SNX29: variants seen among roughly 807,000 people sequenced by gnomAD.
SNX29 encodes the protein sorting nexin-29.
A neutral mutation model predicts 102.1 loss-of-function variants in SNX29; 78 were observed. That is an observed-to-expected ratio of 0.76 (90% confidence interval 0.64 to 0.92). The LOEUF is 0.92. Among genes scored for constraint, SNX29 ranks in the 40% least tolerant of loss-of-function variants. The probability of loss-of-function intolerance (pLI) is 0.00; values close to 1 mark genes in which losing one functional copy is unlikely to be tolerated. For missense variants in SNX29, 1,280 were observed against 1,061.7 expected, an observed-to-expected ratio of 1.21 and a Z score of -2.86; for synonymous variants, 580 against 414.5, an observed-to-expected ratio of 1.40 and a Z score of -4.85.
intron 14 of SNX29, among the ~76,000 whole-genome samples, chr16:12,270,842 G>T (rs1016590720): frequency 2.1e-4 from 32 of 151,982 alleles, no homozygotes; most frequent in African/African-American, 7.3e-4. Flanking sequence ...AGGCATTCGA[G>T]ACCCACCTGG....
chr16:12,491,067 G>A (rs891061888), intron 19 of SNX29, among the ~76,000 whole-genome samples: 14 of 152,340 alleles, frequency 9.2e-5, no homozygotes, highest in African/African-American at 3.4e-4. Context: ...CACATTTCTT[G>A]AGATGTATTC....
intron 17 of SNX29, among the ~76,000 whole-genome samples, chr16:12,402,557 G>A (rs1002068177): frequency 5.9e-5 from 9 of 152,286 alleles, no homozygotes; most frequent in East Asian, 1.9e-4. Context: ...CAGCTTATTC[G>A]CTCTGTGTAA....
intron 2 of SNX29, among the ~76,000 whole-genome samples, chr16:12,001,945 A>G (rs2056302032): frequency 1.3e-5 from 2 of 151,026 alleles, no homozygotes; most frequent in Admixed American, 1.3e-4. Context: ...GCTTGAGCCT[A>G]GGTATTCGAG....
intron 19 of SNX29, among the ~76,000 whole-genome samples, chr16:12,495,410 A>G (rs2088772702): frequency 6.6e-6 from 1 of 152,210 alleles, no homozygotes; most frequent in East Asian, 1.9e-4. Flanking sequence ...AACTTCCCCA[A>G]GTGCTGGGAT....
intron 19 of SNX29, among the ~76,000 whole-genome samples, chr16:12,503,776 G>A (rs2089239695): frequency 6.6e-6 from 1 of 152,082 alleles, no homozygotes; most frequent in Admixed American, 6.5e-5. Flanking sequence ...GACTTATTAT[G>A]GCAATACCCG....
intron 18 of SNX29, among the ~76,000 whole-genome samples, chr16:12,451,603 C>G (rs1185430171): frequency 6.6e-6 from 1 of 152,198 alleles, no homozygotes; most frequent in Non-Finnish European, 1.5e-5. Flanking sequence ...GTGGCTCACG[C>G]CTGTAATCCC....
chr16:12,474,981 C>T (rs2087523416), intron 18 of SNX29, among the ~76,000 whole-genome samples: 1 of 152,202 alleles, frequency 6.6e-6, no homozygotes, highest in South Asian at 2.1e-4. Context: ...GGATCTTGAC[C>T]TCAGCCTACT....
At chr16:12,561,553 ATGAGCAGT>A (rs2078724606) in intron 20 of SNX29, among the ~76,000 whole-genome samples, 1 of 152,100 alleles carries the variant, frequency 6.6e-6, no homozygotes, top group African/African-American at 2.4e-5. Context: ...ATTTTCACTG[ATGAGCAGT>A]TGAGGCTGTC....
At chr16:12,478,123 A>C (rs572013492) in intron 19 of SNX29, among the ~76,000 whole-genome samples, 1 of 152,306 alleles carries the variant, frequency 6.6e-6, no homozygotes, top group South Asian at 2.1e-4. Context: ...CAGAGAGTAA[A>C]TATGTTTGGC....
At chr16:12,451,954 T>A (rs1352751133) in intron 18 of SNX29, among the ~76,000 whole-genome samples, 2 of 152,226 alleles carry the variant, frequency 1.3e-5, no homozygotes, top group African/African-American at 4.8e-5. Flanking sequence ...GAGTGATGTC[T>A]TTGGCCTGGA....
At chr16:12,565,576 CCCT>C (rs2078966889) in intron 20 of SNX29, among the ~76,000 whole-genome samples, 1 of 152,224 alleles carries the variant, frequency 6.6e-6, no homozygotes, top group South Asian at 2.1e-4. Flanking sequence ...TACTGTCACA[CCCT>C]CAACCACAGC....
chr16:12,048,252 T>A, intron 6 of SNX29, 120 bp from the exon 7 acceptor site: 1 of 1,434,942 alleles, frequency 7.0e-7, no homozygotes, highest in African/African-American at 1.4e-5. Context: ...GGTATTTTTA[T>A]ACCTATTTAA....
intron 14 of SNX29, among the ~76,000 whole-genome samples, chr16:12,237,490 G>A (rs557028706): frequency 6.6e-6 from 1 of 152,318 alleles, no homozygotes; most frequent in African/African-American, 2.4e-5. Context: ...ATGGGGCCTG[G>A]CCGGGTGCAG....
At chr16:12,533,522 G>T (rs1337379163) in intron 20 of SNX29, among the ~76,000 whole-genome samples, 3 of 152,210 alleles carry the variant, frequency 2.0e-5, no homozygotes, top group Non-Finnish European at 4.4e-5. Flanking sequence ...CAGCCCGTCA[G>T]CCACTGCAGC....
chr16:12,002,347 C>G (rs75656750), intron 2 of SNX29, among the ~76,000 whole-genome samples: 1 of 151,078 alleles, frequency 6.6e-6, no homozygotes, highest in Non-Finnish European at 1.5e-5. Context: ...ACTTGGGTAT[C>G]TGAGGCAGGA....
chr16:12,436,329 G>A (rs1313322780), intron 18 of SNX29, among the ~76,000 whole-genome samples: 2 of 152,188 alleles, frequency 1.3e-5, no homozygotes, highest in Non-Finnish European at 2.9e-5. Flanking sequence ...GGGAAGGAAC[G>A]AAGACAGGAA....
At chr16:12,086,595 G>A (rs182264483) in intron 11 of SNX29, among the ~76,000 whole-genome samples, 5 of 152,046 alleles carry the variant, frequency 3.3e-5, no homozygotes, top group Admixed American at 3.3e-4. Flanking sequence ...TGCTTATTTT[G>A]TAGAGATGGG....
At chr16:12,205,263 G>A (rs1368928340) in intron 14 of SNX29, among the ~76,000 whole-genome samples, 1 of 152,166 alleles carries the variant, frequency 6.6e-6, no homozygotes, top group Non-Finnish European at 1.5e-5. Flanking sequence ...TGTGCACAGA[G>A]GCAAAGATGT....
intron 11 of SNX29, among the ~76,000 whole-genome samples, chr16:12,114,937 T>A (rs906142103): frequency 1.3e-5 from 2 of 152,178 alleles, no homozygotes; most frequent in Non-Finnish European, 2.9e-5. Flanking sequence ...ATGAGATAAT[T>A]GACACATAGT....
Sources: allele counts gnomAD v4.1 joint callset (sites outside exome capture counted in the v4.1 genomes callset), GRCh38; gene constraint gnomAD v4.1.1; transcripts MANE v1.5; gene names NCBI Gene and HGNC (gene_info 2026-07-23, HGNC 2026-07-21).